Variants in CTNNA2 observed in about 807,000 individuals in gnomAD.
The protein encoded by CTNNA2 is catenin alpha-2.
In CTNNA2, 42 loss-of-function variants were observed where a neutral mutation model predicts 101.0. The observed-to-expected ratio is 0.42, with a 90% CI of 0.32 to 0.54. The LOEUF (loss-of-function observed/expected upper bound fraction) is 0.54. Among genes scored for constraint, CTNNA2 ranks in the 20% least tolerant of loss-of-function variants. The pLI is 0.14. For synonymous variants in CTNNA2, 450 were observed against 456.4 expected, an observed-to-expected ratio of 0.99 and a Z score of 0.18; for missense variants, 871 against 1,223.1, an observed-to-expected ratio of 0.71 and a Z score of 4.29.
At chr2:79,480,840 T>C (rs903460430) in intron 4 of CTNNA2, among the ~76,000 whole-genome samples, 2 of 152,180 alleles carry the variant, frequency 1.3e-5, no homozygotes, top group Non-Finnish European at 2.9e-5. Flanking sequence ...TTTTCCGTGG[T>C]TTGCATCATT....
intron 7 of CTNNA2, among the ~76,000 whole-genome samples, chr2:79,974,938 C>T (rs888821845): frequency 1.3e-5 from 2 of 151,998 alleles, no homozygotes; most frequent in South Asian, 4.2e-4. Context: ...ATGCAGATAC[C>T]TGGAGAACAG....
Position 80,434,840 on chromosome 2 carries a change from G to A in CTNNA2, c.1290+15239G>A, listed in dbSNP as rs116296866. ...TTGCAGGAGTTAAGGCTCACAGGTA[G>A]CAAGTGTGCAATATGTCAGGGCACT... On this transcript the variant is annotated intron_variant, in intron 9 of 18. Coordinates refer to ENST00000402739, the MANE Select transcript of CTNNA2 (RefSeq NM_001282597.3). Among the ~76,000 whole-genome samples, 641 of 152,240 alleles carry A rather than the reference G, an allele frequency of 4.2e-3. 2 individuals carry two copies. The highest frequency in any genetic ancestry group is 0.015 in the African/African-American group (610 of 41,540).
chr2:80,110,943 G>T (rs1263717181), intron 7 of CTNNA2, among the ~76,000 whole-genome samples: 1 of 152,198 alleles, frequency 6.6e-6, no homozygotes, highest in African/African-American at 2.4e-5. Context: ...TTGACTCACA[G>T]TTCAGCATGG....
intron 4 of CTNNA2, among the ~76,000 whole-genome samples, chr2:79,474,144 A>G (rs1365306565): frequency 6.6e-6 from 1 of 152,222 alleles, no homozygotes; most frequent in East Asian, 1.9e-4. Flanking sequence ...GTATTACACC[A>G]ATGACATAAA....
At position 80,304,934 on chromosome 2, in the gene CTNNA2, G is replaced by T. The variant is rs1030744507; in HGVS notation, c.1057-88277G>T. On this transcript the variant is annotated intron_variant, in intron 7 of 18. Transcript: ENST00000402739. ...AAAAAAAAAAAAAAAAAAAAAAGGA[G>T]GGGGGAGGGAGGTGGAGGTAGGGGT... The T allele has an allele frequency of 1.7e-5, 5 of 288,936 alleles. No individual in the cohort carries two copies. In the Admixed American group the frequency reaches 2.6e-4, roughly 15 times the overall value. The allele number at this position is 288,936 out of a possible 1,614,324, so 17.9% of individuals were successfully genotyped here.
chr2:80,340,069 A>G (rs948537880), intron 7 of CTNNA2, among the ~76,000 whole-genome samples: 4 of 152,196 alleles, frequency 2.6e-5, no homozygotes, highest in African/African-American at 7.2e-5. Context: ...AAAATAAATA[A>G]GATTTATTTT....
Position 80,562,855 on chromosome 2 carries a change from A to G in CTNNA2, c.1741+6962A>G, listed in dbSNP as rs549893485. Among the ~76,000 whole-genome samples, 349 of 152,276 alleles carry G rather than the reference A, an allele frequency of 2.3e-3. 1 individual carries two copies. The highest frequency in any genetic ancestry group is 7.9e-3 in the African/African-American group (330 of 41,552). On this transcript the variant is annotated intron_variant, in intron 12 of 18. Coordinates refer to ENST00000402739, the MANE Select transcript of CTNNA2 (RefSeq NM_001282597.3). The stretch of plus-strand genomic sequence containing the variant: ...TGTTCCATTTATTTTCAAAAAAGGT[A>G]AATTATATAACACAGGAAGAGAAAG...
At chr2:80,514,436 G>A (rs1163247834) in intron 9 of CTNNA2, among the ~76,000 whole-genome samples, 6 of 152,170 alleles carry the variant, frequency 3.9e-5, no homozygotes, top group Non-Finnish European at 7.3e-5. Context: ...TGTGGTGGCC[G>A]CCTTCTACCA....
chr2:79,710,268 C>T (rs918457610), intron 2 of CTNNA2, among the ~76,000 whole-genome samples: 10 of 151,988 alleles, frequency 6.6e-5, no homozygotes, highest in African/African-American at 1.7e-4. Context: ...TACATCCTTC[C>T]GTAATGTTGC....
chr2:80,281,470 G>A (rs928007603), intron 7 of CTNNA2, among the ~76,000 whole-genome samples: 8 of 152,124 alleles, frequency 5.3e-5, no homozygotes, highest in East Asian at 1.9e-4. Context: ...TCTAAAGAGC[G>A]TACATTAGTG....
intron 1 of CTNNA2, among the ~76,000 whole-genome samples, chr2:79,612,859 T>C (rs1302049144): frequency 2.6e-5 from 4 of 152,212 alleles, no homozygotes; most frequent in Non-Finnish European, 4.4e-5. Context: ...TTTTTAAAAT[T>C]ACATTTTCTG....
At chr2:79,586,708 G>T (rs2103948836) in intron 1 of CTNNA2, among the ~76,000 whole-genome samples, 1 of 152,106 alleles carries the variant, frequency 6.6e-6, no homozygotes, top group East Asian at 1.9e-4. Context: ...TGGGAGACAG[G>T]TGGTTTTTGT....
At chr2:80,555,442 G>T (rs1428888855) in intron 11 of CTNNA2, among the ~76,000 whole-genome samples, 3 of 152,178 alleles carry the variant, frequency 2.0e-5, no homozygotes, top group Non-Finnish European at 4.4e-5. Flanking sequence ...CTCTACCCCA[G>T]ACTTACTGAA....
intron 7 of CTNNA2, among the ~76,000 whole-genome samples, chr2:80,228,702 G>C (rs1014672947): frequency 2.0e-5 from 3 of 152,148 alleles, no homozygotes; most frequent in African/African-American, 7.2e-5. Flanking sequence ...ATCTGAAATA[G>C]TAGTGTTATT....
rs545549884 is a variant in CTNNA2 at position 79,538,915 on chromosome 2, C to G, written c.-6+25708C>G. Among the ~76,000 whole-genome samples, 3 of 152,258 alleles carry G rather than the reference C, an allele frequency of 2.0e-5. No homozygotes were observed. In the East Asian group the frequency reaches 5.8e-4, roughly 29 times the overall value. ...AGATAAATCAATTAGGAGGCTCTTG[C>G]AGCAAGTCAGGTGAGGCCTTATGAA... On this transcript the variant is annotated intron_variant, in intron 1 of 18. Coordinates refer to ENST00000402739, the MANE Select transcript of CTNNA2 (RefSeq NM_001282597.3).
chr2:79,793,613 C>A (rs922260136), intron 3 of CTNNA2, among the ~76,000 whole-genome samples: 15 of 152,026 alleles, frequency 9.9e-5, no homozygotes, highest in African/African-American at 3.6e-4. Context: ...ATAAGAGAGT[C>A]TCGAATAAAG....
intron 3 of CTNNA2, among the ~76,000 whole-genome samples, chr2:79,821,315 C>G (rs1368374879): frequency 1.3e-5 from 2 of 152,010 alleles, no homozygotes; most frequent in Non-Finnish European, 2.9e-5. Context: ...ATCAAGTGAT[C>G]CTCTTGTCTC....
At chr2:79,893,305 A>G (rs573587189) in intron 6 of CTNNA2, among the ~76,000 whole-genome samples, 110 of 152,210 alleles carry the variant, frequency 7.2e-4, no homozygotes, top group Non-Finnish European at 1.4e-3. Context: ...TTACACAAGA[A>G]TCTCTTTCCA....
intron 3 of CTNNA2, among the ~76,000 whole-genome samples, chr2:79,766,913 G>C (rs1450462577): frequency 1.3e-5 from 2 of 151,868 alleles, no homozygotes; most frequent in Non-Finnish European, 2.9e-5. Flanking sequence ...GCGCCACCAT[G>C]CCCAGCTATT....
Sources: gnomAD v4.1 joint callset for allele counts (sites outside exome capture counted in the v4.1 genomes callset) on GRCh38, gnomAD v4.1.1 for gene constraint, MANE v1.5 for transcripts, NCBI Gene and HGNC (gene_info 2026-07-23, HGNC 2026-07-21) for gene names.